The following KIAA0513 variants were observed in gnomAD, a reference collection of about 807,000 sequenced individuals.
KIAA0513 encodes the protein uncharacterized protein KIAA0513.
Under a neutral mutation model 56.5 loss-of-function variants are expected in KIAA0513, and 39 were observed. That is an observed-to-expected ratio of 0.69 (90% CI 0.53 to 0.90). The LOEUF (loss-of-function observed/expected upper bound fraction) is 0.90, where lower values mean the gene tolerates loss of function less well. Ranked by LOEUF, KIAA0513 falls within the 40% of genes least tolerant of loss-of-function variation. The pLI, the probability that KIAA0513 is intolerant of heterozygous loss-of-function variation, is 0.00. For synonymous variants in KIAA0513, 268 were observed against 215.6 expected (o/e 1.24, Z -2.13); for missense variants, 591 against 535.2 (o/e 1.10, Z -1.03).
chr16:85,037,660 A>G (rs1227442402), intron 1 of KIAA0513, among the ~76,000 whole-genome samples: 1 of 152,244 alleles, frequency 6.6e-6, no homozygotes, highest in Non-Finnish European at 1.5e-5. Context: ...GTTGAACTTC[A>G]TTATGCAGAA....
chr16:85,056,652 A>G (rs527823872), intron 1 of KIAA0513, among the ~76,000 whole-genome samples: 2 of 152,060 alleles, frequency 1.3e-5, no homozygotes, highest in Admixed American at 6.5e-5. Context: ...CCCTTTGTTC[A>G]CTGGTTACGG....
intron 1 of KIAA0513, among the ~76,000 whole-genome samples, chr16:85,035,795 A>C (rs6564096): frequency 1.3e-5 from 2 of 151,862 alleles, no homozygotes; most frequent in Non-Finnish European, 2.9e-5. Context: ...TGGCTAACAC[A>C]GTGAAACCCC....
chr16:85,087,657 C>A (rs540869010), intron 12 of KIAA0513, among the ~76,000 whole-genome samples: 1 of 152,336 alleles, frequency 6.6e-6, no homozygotes, highest in East Asian at 1.9e-4. Flanking sequence ...TTGGCGCCCC[C>A]CTTGCTGGGG....
chr16:85,032,034 C>G (rs769795682), intron 1 of KIAA0513, among the ~76,000 whole-genome samples: 17 of 152,124 alleles, frequency 1.1e-4, no homozygotes, highest in Non-Finnish European at 2.5e-4. Context: ...CTTAAAGCAA[C>G]CGAAATTTAT....
intron 11 of KIAA0513, 116 bp from the exon 12 acceptor site, chr16:85,086,956 G>C: frequency 9.7e-7 from 1 of 1,033,038 alleles, no homozygotes. Flanking sequence ...GTGCGTTTTA[G>C]TTTCTGCTGA....
intron 1 of KIAA0513, among the ~76,000 whole-genome samples, chr16:85,062,883 G>A (rs539993761): frequency 6.6e-6 from 1 of 152,276 alleles, no homozygotes; most frequent in Non-Finnish European, 1.5e-5. Flanking sequence ...ACCTTGTCCT[G>A]CCTAGAGGCC....
chr16:85,088,339 C>T lies in KIAA0513; in HGVS notation c.*14C>T. On this transcript the variant is annotated 3_prime_UTR_variant, in exon 13 of 13. Transcript: ENST00000683363. ...GCCACTGAGTAGGCCCCAGAGGTCG[C>T]ACTCCGCAGGAGGACTGAGGCCATG... The T allele has an allele frequency of 6.2e-7, 1 of 1,606,956 alleles. No individual in the cohort carries two copies. The highest frequency in any genetic ancestry group is 8.5e-7 in the Non-Finnish European group (1 of 1,178,504).
At chr16:85,059,763 A>C (rs1049160421) in intron 1 of KIAA0513, among the ~76,000 whole-genome samples, 1 of 152,196 alleles carries the variant, frequency 6.6e-6, no homozygotes, top group African/African-American at 2.4e-5. Context: ...GCCAGGGAAG[A>C]TCTTCAGCTT....
rs773631662 is a variant in KIAA0513, at chr16:85,073,008, G to A, written c.503+10G>A. The A allele has an allele frequency of 1.9e-6, 3 of 1,612,012 alleles. No homozygotes were observed. The highest frequency in any genetic ancestry group is 1.1e-5 in the South Asian group (1 of 91,034). On this transcript the variant is annotated intron_variant, in intron 4 of 12. Transcript: ENST00000683363. ...CAGTGGTGCTGTTCGAGTAAGTAAT[G>A]CCGTGGCACAAAGCCTTTGTCCTGG... is the stretch of plus-strand genomic sequence containing the variant.
rs1221599552 is a variant in KIAA0513 at position 85,090,038 on chromosome 16, C to T, written c.*1713C>T. The T allele has an allele frequency of 2.0e-5, 3 of 152,216 alleles. No homozygotes were observed. The highest frequency in any genetic ancestry group is 4.4e-5 in the Non-Finnish European group (3 of 68,094). 9.4% of individuals were successfully genotyped at this position (152,216 alleles called of 1,614,324 possible). ...ACCGTGACCATGCTGCCAGTGTGCT[C>T]GCCATGAGCTGGGTCAGGGCTGGGG... On this transcript the variant is annotated 3_prime_UTR_variant, in exon 13 of 13. Transcript: ENST00000683363.
chr16:85,083,151 C>G (rs903524609), intron 10 of KIAA0513, among the ~76,000 whole-genome samples: 1 of 152,188 alleles, frequency 6.6e-6, no homozygotes, highest in Non-Finnish European at 1.5e-5. Flanking sequence ...TCCCACTTTC[C>G]CAGCCACTCG....
chr16:85,040,954 A>C (rs899997963), intron 1 of KIAA0513, among the ~76,000 whole-genome samples: 1 of 152,236 alleles, frequency 6.6e-6, no homozygotes, highest in Admixed American at 6.5e-5. Context: ...AACATCTGCC[A>C]ACTCCACCAT....
intron 1 of KIAA0513, among the ~76,000 whole-genome samples, chr16:85,055,894 G>A (rs527458584): frequency 1.9e-4 from 29 of 152,244 alleles, no homozygotes; most frequent in African/African-American, 6.5e-4. Flanking sequence ...GTGGGCTCTC[G>A]GGCCCACTCA....
chr16:85,087,258 G>A, intron 12 of KIAA0513, 92 bp downstream of exon 12: 1 of 1,027,282 alleles, frequency 9.7e-7, no homozygotes, highest in Non-Finnish European at 1.5e-6. Context: ...CTGCCAGAAG[G>A]CATGTCGTGT....
Position 85,032,489 on chromosome 16 carries a change from C to T in KIAA0513, c.-173+4631C>T, listed in dbSNP as rs149808086. 6.2e-3 allele frequency among the ~76,000 whole-genome samples: 950 copies of T among 152,302 alleles called. 5 individuals carry two copies. Among genetic ancestry groups the T allele is most frequent in the Non-Finnish European group, 0.012 (793 of 68,024 alleles). ...CTGGGATTACAGGTGTGTGCCACCA[C>T]GCCTGGCTAATTTTTGTATTTTTGG... On this transcript the variant is annotated intron_variant, in intron 1 of 12. Transcript: ENST00000683363.
rs577804176 is a variant in KIAA0513 at position 85,070,507 on chromosome 16, G to C, written c.330-1276G>C. On this transcript the variant is annotated intron_variant, in intron 2 of 12. Transcript: ENST00000683363. ...AGCCTGGCCAACATGATGAAACCCC[G>C]TCTCTACTAAAAACACAAAAATTAG... 2.6e-5 allele frequency among the ~76,000 whole-genome samples: 4 copies of C among 152,152 alleles called. No individual in the cohort carries two copies. In the East Asian group the frequency reaches 5.8e-4, roughly 22 times the overall value.
chr16:85,077,751 C>A, intron 6 of KIAA0513, 119 bp downstream of exon 6: 1 of 730,852 alleles, frequency 1.4e-6, no homozygotes, highest in Non-Finnish European at 2.3e-6. Flanking sequence ...AGGAACACTG[C>A]GCTGCCCAGC....
chr16:85,035,108 C>T (rs922639342), intron 1 of KIAA0513, among the ~76,000 whole-genome samples: 2 of 152,178 alleles, frequency 1.3e-5, no homozygotes, highest in Non-Finnish European at 2.9e-5. Flanking sequence ...GTCAAAATCC[C>T]AGGCCCCAGG....
In KIAA0513 at chr16:85,088,403, C is replaced by G; in HGVS notation, c.*78C>G. The G allele has an allele frequency of 7.8e-7, 1 of 1,282,010 alleles. No homozygotes were observed. The highest frequency in any genetic ancestry group is 1.1e-6 in the Non-Finnish European group (1 of 894,990). 79.4% of individuals were successfully genotyped at this position (1,282,010 alleles called of 1,614,324 possible). A position where few individuals can be genotyped will look rare whatever the true frequency, so the allele number is the denominator to read the frequency against. On this transcript the variant is annotated 3_prime_UTR_variant, in exon 13 of 13. Transcript: ENST00000683363. ...GGCCCAGCGCCCGGCCGTCACCCCA[C>G]CCGATGACCTGCATGAAGCCAGCAG...
Sources: allele counts gnomAD v4.1 joint callset (sites outside exome capture counted in the v4.1 genomes callset), GRCh38; gene constraint gnomAD v4.1.1; transcripts MANE v1.5; gene names NCBI Gene and HGNC (gene_info 2026-07-23, HGNC 2026-07-21).